PCDHA6: variants seen among roughly 807,000 people sequenced by gnomAD.
PCDHA6 encodes protocadherin alpha 6, also known as protocadherin alpha-6.
A neutral mutation model predicts 60.3 loss-of-function variants in PCDHA6; 55 were observed. That is an observed-to-expected ratio of 0.91 (90% confidence interval 0.73 to 1.14). The LOEUF (loss-of-function observed/expected upper bound fraction) is 1.14, where lower values mean the gene tolerates loss of function less well. Ranked by LOEUF, PCDHA6 falls within the 50% of genes most tolerant of loss-of-function variation. The probability of loss-of-function intolerance (pLI) is 0.00; values close to 1 mark genes in which losing one functional copy is unlikely to be tolerated. For missense variants in PCDHA6, 1,327 were observed against 1,256.5 expected, an observed-to-expected ratio of 1.06 and a Z score of -0.85; for synonymous variants, 652 against 557.9, an observed-to-expected ratio of 1.17 and a Z score of -2.38.
rs1478449575 is a variant in PCDHA6 at position 141,010,392 on chromosome 5, G to A, written c.*455G>A. The stretch of plus-strand genomic sequence containing the variant: ...GCGAGTGCCAGATATTGGCTGAGAC[G>A]AGCCAGCTTAGACTAATTGGTACAA... On this transcript the variant is annotated 3_prime_UTR_variant, in exon 4 of 4. Transcript: ENST00000529310. The A allele has an allele frequency of 8.0e-6, 11 of 1,381,722 alleles. No individual in the cohort carries two copies. The highest frequency in any genetic ancestry group is 7.3e-5 in the African/African-American group (5 of 68,772). The allele number at this position is 1,381,722 out of a possible 1,614,324, so 85.6% of individuals were successfully genotyped here. A position where few individuals can be genotyped will look rare whatever the true frequency, so the allele number is the denominator to read the frequency against.
chr5:140,938,760 T>C (rs574872397), intron 1 of PCDHA6, among the ~76,000 whole-genome samples: 2 of 152,286 alleles, frequency 1.3e-5, no homozygotes, highest in Admixed American at 1.3e-4. Flanking sequence ...GCATAGTTAT[T>C]GGGTACTAGA....
At chr5:141,008,299 C>T (rs1223779122) in intron 3 of PCDHA6, among the ~76,000 whole-genome samples, 2 of 152,120 alleles carry the variant, frequency 1.3e-5, no homozygotes, top group Non-Finnish European at 2.9e-5. Flanking sequence ...TGTACCCAAC[C>T]CTAAACTGTA....
intron 1 of PCDHA6, chr5:140,851,907 T>A: frequency 3.1e-6 from 3 of 970,432 alleles, no homozygotes; most frequent in Non-Finnish European, 2.5e-6. Flanking sequence ...CTCTTTAATG[T>A]CACTACATGT....
chr5:140,951,833 A>G (rs2094641584), intron 1 of PCDHA6, among the ~76,000 whole-genome samples: 1 of 152,190 alleles, frequency 6.6e-6, no homozygotes, highest in Admixed American at 6.5e-5. Flanking sequence ...TCATTCCAGC[A>G]TTAAGCCAAA....
Position 140,843,203 on chromosome 5 carries a change from A to T in PCDHA6, c.2394+12718A>T, listed in dbSNP as rs149174279. 6.3e-7 allele frequency: 1 copy of T among 1,595,824 alleles called. No homozygotes were observed. The highest frequency in any genetic ancestry group is 1.3e-5 in the African/African-American group (1 of 74,416). ...CATCCCGTTCCGCGTGGGGCTGTAC[A>T]CGGGCGAGATCAGCACCACTCGTGT... On this transcript the variant is annotated intron_variant, in intron 1 of 3. Transcript: ENST00000529310.
At chr5:140,901,952 C>T (rs1427349795) in intron 1 of PCDHA6, among the ~76,000 whole-genome samples, 6 of 151,888 alleles carry the variant, frequency 4.0e-5, no homozygotes, top group Non-Finnish European at 8.8e-5. Context: ...TAGTTTTATT[C>T]GTGGCTATCG....
rs2153432469 is a variant in PCDHA6, at chr5:140,890,949, A to C, written c.2394+60464A>C. On this transcript the variant is annotated intron_variant, in intron 1 of 3. Transcript: ENST00000529310. The stretch of plus-strand genomic sequence containing the variant: ...CTTTAGTCCAAAGATGCTGGTGAGG[A>C]ATGATTTCAGGTTTTGTTTTTCTGA... 2.0e-5 allele frequency among the ~76,000 whole-genome samples: 3 copies of C among 152,248 alleles called. No individual in the cohort carries two copies. The South Asian group carries it at 6.2e-4, about 32-fold the overall frequency.
rs140727388 is a variant in PCDHA6, at chr5:140,974,245, C to G, written c.2395-4704C>G. Among the ~76,000 whole-genome samples, 191 of 152,268 alleles carry G rather than the reference C, an allele frequency of 1.3e-3. 1 individual carries two copies. The highest frequency in any genetic ancestry group is 4.3e-3 in the African/African-American group (179 of 41,572). Reference sequence around the variant, plus strand: ...ATCTTAGTTCCTTGGCATATAAGCACCATCAGTTCCTTTCTGGCCTTCCAG... The same window carrying G: ...ATCTTAGTTCCTTGGCATATAAGCAGCATCAGTTCCTTTCTGGCCTTCCAG... On this transcript the variant is annotated intron_variant, in intron 1 of 3. Transcript: ENST00000529310.
At chr5:140,855,753 G>C (rs1461376517) in intron 1 of PCDHA6, 1 of 333,040 alleles carries the variant, frequency 3.0e-6, no homozygotes, top group African/African-American at 2.1e-5. Flanking sequence ...GTGAGGCTTT[G>C]AAAGTCCATA....
chr5:140,836,758 G>C, intron 1 of PCDHA6: 1 of 1,572,510 alleles, frequency 6.4e-7, no homozygotes, highest in South Asian at 1.2e-5. Context: ...AAATAATCTT[G>C]TTTCCAACAA....
chr5:140,843,891 A>G (rs1554140482), intron 1 of PCDHA6: 1 of 685,390 alleles, frequency 1.5e-6, no homozygotes, highest in Non-Finnish European at 2.4e-6. Context: ...TACAGTATTA[A>G]TCATTCTCCA....
At chr5:140,964,009 A>G (rs1435043905) in intron 1 of PCDHA6, among the ~76,000 whole-genome samples, 1 of 152,160 alleles carries the variant, frequency 6.6e-6, no homozygotes, top group Non-Finnish European at 1.5e-5. Context: ...CTACTTTTTA[A>G]TAGAGAGCTC....
chr5:140,876,587 T>C (rs201129017), intron 1 of PCDHA6: 1 of 1,614,208 alleles, frequency 6.2e-7, no homozygotes, highest in African/African-American at 1.3e-5. Context: ...ATTGCCCTGA[T>C]TAGCGTGTCG....
At chr5:140,906,609 T>C (rs376857630) in intron 1 of PCDHA6, among the ~76,000 whole-genome samples, 2 of 152,348 alleles carry the variant, frequency 1.3e-5, no homozygotes, top group East Asian at 3.9e-4. Flanking sequence ...TCATTCTGTA[T>C]TCCCTTTGCC....
At chr5:140,877,196 G>C (rs782703953) in intron 1 of PCDHA6, 1 of 1,613,808 alleles carries the variant, frequency 6.2e-7, no homozygotes, top group East Asian at 2.2e-5. Context: ...AGCGCAGGAG[G>C]CGCAGTTAGC....
chr5:140,840,515 G>A (rs768946675), intron 1 of PCDHA6, among the ~76,000 whole-genome samples: 2 of 151,998 alleles, frequency 1.3e-5, no homozygotes, highest in African/African-American at 4.8e-5. Context: ...TTTTGGAGCA[G>A]AAGAAAGATG....
rs782296827 is a variant in PCDHA6, at chr5:140,858,349, C to T, written c.2394+27864C>T. The T allele has an allele frequency of 9.4e-6, 15 of 1,594,268 alleles. 2 individuals are homozygous for T. ...GGGAGGGCCTGCCCAAGGCGGACCT[C>T]ATGGCCTTCAGCCCCAGCCTTCCAC... On this transcript the variant is annotated intron_variant, in intron 1 of 3. Coordinates refer to ENST00000529310, the MANE Select transcript of PCDHA6 (RefSeq NM_018909.4).
chr5:140,952,010 C>A (rs1188540877), intron 1 of PCDHA6, among the ~76,000 whole-genome samples: 2 of 152,128 alleles, frequency 1.3e-5, no homozygotes, highest in Non-Finnish European at 2.9e-5. Flanking sequence ...GAATTATAGG[C>A]CCCATGCAAG....
At chr5:140,895,250 T>G (rs2153449407) in intron 1 of PCDHA6, among the ~76,000 whole-genome samples, 1 of 152,318 alleles carries the variant, frequency 6.6e-6, no homozygotes, top group African/African-American at 2.4e-5. Flanking sequence ...TTTTCAAAGC[T>G]TTCTTTTTTT....
Sources: gnomAD v4.1 joint callset for allele counts (sites outside exome capture counted in the v4.1 genomes callset) on GRCh38, gnomAD v4.1.1 for gene constraint, MANE v1.5 for transcripts, NCBI Gene and HGNC (gene_info 2026-07-23, HGNC 2026-07-21) for gene names.